The following MGMT variants were observed in gnomAD, a reference collection of about 807,000 sequenced individuals.
The protein encoded by MGMT is O-6-methylguanine-DNA methyltransferase, also known as methylated-DNA--protein-cysteine methyltransferase.
Under a neutral mutation model 15.9 loss-of-function variants are expected in MGMT, and 14 were observed. That is an observed-to-expected ratio of 0.88 (90% confidence interval 0.58 to 1.37). The LOEUF (loss-of-function observed/expected upper bound fraction) is 1.37, where lower values mean the gene tolerates loss of function less well. Ranked by LOEUF, MGMT falls within the 40% of genes most tolerant of loss-of-function variation. The pLI, the probability that MGMT is intolerant of heterozygous loss-of-function variation, is 0.00. For missense variants in MGMT, 282 were observed against 268.1 expected, an observed-to-expected ratio of 1.05 and a Z score of -0.36; for synonymous variants, 130 against 118.2, an observed-to-expected ratio of 1.10 and a Z score of -0.65.
intron 1 of MGMT, among the ~76,000 whole-genome samples, chr10:129,506,029 A>G (rs1424228096): frequency 3.0e-5 from 4 of 133,510 alleles, no homozygotes; most frequent in African/African-American, 9.7e-5. Flanking sequence ...TTTTTGCAGC[A>G]TTTCCTCACT....
rs555699603 is a variant in MGMT at position 129,478,360 on chromosome 10, G to C, written c.-13+11064G>C. 2.6e-5 allele frequency among the ~76,000 whole-genome samples: 4 copies of C among 152,276 alleles called. No homozygotes were observed. In the South Asian group the frequency reaches 8.3e-4, roughly 32 times the overall value. ...GAACCATACTCTTTGCTGCTTTTCA[G>C]GCTAAGATAGCTCTCTGAGACTGTT... On this transcript the variant is annotated intron_variant, in intron 1 of 4. Coordinates refer to ENST00000651593, the MANE Select transcript of MGMT (RefSeq NM_002412.5).
At chr10:129,602,348 G>A (rs973191136) in intron 2 of MGMT, among the ~76,000 whole-genome samples, 1 of 152,116 alleles carries the variant, frequency 6.6e-6, no homozygotes, top group Non-Finnish European at 1.5e-5. Context: ...AGACCTCTGG[G>A]TACGTGAGCT....
chr10:129,498,454 C>T (rs1845544379), intron 1 of MGMT, among the ~76,000 whole-genome samples: 1 of 152,190 alleles, frequency 6.6e-6, no homozygotes, highest in African/African-American at 2.4e-5. Flanking sequence ...TTTCATTTAC[C>T]AACGGGAACT....
chr10:129,469,636 C>T (rs1845208140), intron 1 of MGMT, among the ~76,000 whole-genome samples: 1 of 152,172 alleles, frequency 6.6e-6, no homozygotes, highest in Non-Finnish European at 1.5e-5. Context: ...CCTTCCTGAC[C>T]CTCTGTTTCC....
At chr10:129,680,308 C>T (rs113196881) in intron 2 of MGMT, among the ~76,000 whole-genome samples, 1 of 152,246 alleles carries the variant, frequency 6.6e-6, no homozygotes, top group Non-Finnish European at 1.5e-5. Context: ...GATTTTATTT[C>T]GCGGGCATGA....
At chr10:129,741,029 C>T (rs1848625769) in intron 3 of MGMT, among the ~76,000 whole-genome samples, 1 of 152,182 alleles carries the variant, frequency 6.6e-6, no homozygotes, top group African/African-American at 2.4e-5. Flanking sequence ...TTGGCCCTTG[C>T]ACCACGTACA....
At chr10:129,710,824 G>T (rs185622440) in intron 3 of MGMT, among the ~76,000 whole-genome samples, 11 of 152,232 alleles carry the variant, frequency 7.2e-5, no homozygotes, top group African/African-American at 2.6e-4. Flanking sequence ...GAGAGGAGCG[G>T]GTCCATTGTA....
chr10:129,697,466 G>A (rs1286471435), intron 2 of MGMT, among the ~76,000 whole-genome samples: 1 of 152,054 alleles, frequency 6.6e-6, no homozygotes, highest in Non-Finnish European at 1.5e-5. Flanking sequence ...TTGGTAAGTT[G>A]TTATTACATA....
chr10:129,724,897 C>T (rs1848414381), intron 3 of MGMT, among the ~76,000 whole-genome samples: 1 of 152,142 alleles, frequency 6.6e-6, no homozygotes, highest in Non-Finnish European at 1.5e-5. Flanking sequence ...GCCTCCTTAT[C>T]CCAGATGGTG....
intron 2 of MGMT, among the ~76,000 whole-genome samples, chr10:129,548,940 G>A (rs1048186120): frequency 2.6e-5 from 4 of 152,134 alleles, no homozygotes; most frequent in Non-Finnish European, 2.9e-5. Flanking sequence ...AATGGGGCGC[G>A]GCCTGACCTT....
chr10:129,624,962 G>A (rs1847130278), intron 2 of MGMT, among the ~76,000 whole-genome samples: 2 of 152,150 alleles, frequency 1.3e-5, no homozygotes, highest in African/African-American at 4.8e-5. Context: ...TTACAGAGAT[G>A]TTAACAAAGG....
chr10:129,518,702 GT>G (rs1845771817), intron 1 of MGMT, among the ~76,000 whole-genome samples: 2 of 147,108 alleles, frequency 1.4e-5, no homozygotes, highest in South Asian at 4.5e-4. Flanking sequence ...TTATTTTACT[GT>G]AAGAATACAG....
intron 3 of MGMT, among the ~76,000 whole-genome samples, chr10:129,726,080 C>G (rs539909107): frequency 3.3e-5 from 5 of 152,210 alleles, no homozygotes; most frequent in Admixed American, 6.5e-5. Flanking sequence ...TCCAGACTCT[C>G]AGTGCAATGA....
At chr10:129,638,714 A>G (rs1847293627) in intron 2 of MGMT, among the ~76,000 whole-genome samples, 1 of 152,156 alleles carries the variant, frequency 6.6e-6, no homozygotes, top group African/African-American at 2.4e-5. Context: ...TATTCTCACA[A>G]GGCCTCAAAA....
chr10:129,542,099 C>T (rs545596844), intron 2 of MGMT, among the ~76,000 whole-genome samples: 23 of 152,296 alleles, frequency 1.5e-4, no homozygotes, highest in African/African-American at 5.3e-4. Flanking sequence ...AGTTTCTGCC[C>T]TCGAAACGTG....
At chr10:129,473,708 C>T (rs1015912073) in intron 1 of MGMT, among the ~76,000 whole-genome samples, 5 of 152,208 alleles carry the variant, frequency 3.3e-5, no homozygotes, top group African/African-American at 1.2e-4. Context: ...ATCAATGTGA[C>T]CAAGTGTTGT....
intron 2 of MGMT, among the ~76,000 whole-genome samples, chr10:129,546,969 C>T (rs1343877595): frequency 6.6e-6 from 1 of 152,122 alleles, no homozygotes; most frequent in African/African-American, 2.4e-5. Flanking sequence ...GTCTCCTTCA[C>T]CCCAAACACC....
rs1847565640 is a variant in MGMT at position 129,659,089 on chromosome 10, G to C, written c.126-48806G>C. Among the ~76,000 whole-genome samples the C allele has an allele frequency of 6.6e-6, 1 of 152,148 alleles. No individual in the cohort carries two copies. The highest frequency in any genetic ancestry group is 2.1e-4 in the South Asian group (1 of 4,820). Reference sequence around the variant, plus strand: ...AAGATACTCAAGGCCGGGTGCAGTGGCTCACACCTGTAATCCCAACACTTT... The same window carrying C: ...AAGATACTCAAGGCCGGGTGCAGTGCCTCACACCTGTAATCCCAACACTTT... On this transcript the variant is annotated intron_variant, in intron 2 of 4. Transcript: ENST00000651593. The surrounding 1 kb of genome is among the most constrained non-coding windows in gnomAD (Gnocchi z 4.1).
At chr10:129,694,628 G>A (rs1848009611) in intron 2 of MGMT, among the ~76,000 whole-genome samples, 1 of 152,080 alleles carries the variant, frequency 6.6e-6, no homozygotes, top group South Asian at 2.1e-4. Context: ...GTTTGTTCTT[G>A]TGAGACTTTT....
Sources: allele counts gnomAD v4.1 joint callset (sites outside exome capture counted in the v4.1 genomes callset), GRCh38; gene constraint gnomAD v4.1.1; non-coding constraint Gnocchi (gnomAD v3.1); transcripts MANE v1.5; gene names NCBI Gene and HGNC (gene_info 2026-07-23, HGNC 2026-07-21).